STK3: variants seen among roughly 807,000 people sequenced by gnomAD.
STK3 encodes serine/threonine-protein kinase 3.
A neutral mutation model predicts 58.0 loss-of-function variants in STK3; 41 were observed. That is an observed-to-expected ratio of 0.71 (90% confidence interval 0.55 to 0.92). STK3 has a LOEUF of 0.92. Ranked by LOEUF, STK3 falls within the 40% of genes least tolerant of loss-of-function variation. STK3 has a pLI of 0.00. For synonymous variants in STK3, 170 were observed against 191.0 expected, an observed-to-expected ratio of 0.89 and a Z score of 0.91; for missense variants, 479 against 602.7, an observed-to-expected ratio of 0.79 and a Z score of 2.15.
chr8:98,769,261 G>A (rs1324499797), intron 2 of STK3, among the ~76,000 whole-genome samples: 3 of 152,186 alleles, frequency 2.0e-5, no homozygotes, highest in African/African-American at 7.2e-5. Flanking sequence ...TGTCCCACCC[G>A]AATCTCATCT....
At chr8:98,469,656 A>G (rs1168810504) in intron 10 of STK3, among the ~76,000 whole-genome samples, 1 of 152,256 alleles carries the variant, frequency 6.6e-6, no homozygotes, top group African/African-American at 2.4e-5. Context: ...TGGTTTGAAT[A>G]ATATACATTA....
At chr8:98,544,278 C>T (rs1405828201) in intron 9 of STK3, among the ~76,000 whole-genome samples, 2 of 152,090 alleles carry the variant, frequency 1.3e-5, no homozygotes, top group Non-Finnish European at 2.9e-5. Flanking sequence ...ATCACTGATA[C>T]GTTCCTCATT....
intron 3 of STK3, among the ~76,000 whole-genome samples, chr8:98,830,993 G>T (rs1267973991): frequency 6.9e-6 from 1 of 145,536 alleles, no homozygotes; most frequent in African/African-American, 2.5e-5. Flanking sequence ...AAAAAAAAAG[G>T]AAAGTAAGGT....
chr8:98,774,167 T>G (rs904724866), intron 2 of STK3, among the ~76,000 whole-genome samples: 2 of 152,190 alleles, frequency 1.3e-5, no homozygotes, highest in African/African-American at 4.8e-5. Context: ...AAGCTTCTTT[T>G]AATTCTGTTT....
At chr8:98,460,169 A>T (rs963702068) in intron 10 of STK3, among the ~76,000 whole-genome samples, 4 of 152,222 alleles carry the variant, frequency 2.6e-5, no homozygotes, top group African/African-American at 9.6e-5. Flanking sequence ...AGACCATGGG[A>T]GCCCACCTCT....
At chr8:98,571,562 G>A (rs192198216) in intron 8 of STK3, among the ~76,000 whole-genome samples, 5 of 152,226 alleles carry the variant, frequency 3.3e-5, no homozygotes, top group Admixed American at 6.5e-5. Flanking sequence ...AGACATTAAG[G>A]ACCGCAACCT....
intron 6 of STK3, among the ~76,000 whole-genome samples, chr8:98,639,937 C>A (rs749908119): frequency 4.6e-5 from 7 of 152,038 alleles, no homozygotes; most frequent in Non-Finnish European, 8.8e-5. Context: ...ATGGTGAAAC[C>A]CCATCTTTAC....
intron 3 of STK3, among the ~76,000 whole-genome samples, chr8:98,753,992 C>CT (rs1243715965): frequency 6.6e-6 from 1 of 152,204 alleles, no homozygotes; most frequent in African/African-American, 2.4e-5. Context: ...CAAAAATACT[C>CT]TAACAGCTCT....
At chr8:98,928,907 C>G (rs1050796724) in intron 1 of STK3, among the ~76,000 whole-genome samples, 2 of 152,174 alleles carry the variant, frequency 1.3e-5, no homozygotes, top group Admixed American at 1.3e-4. Flanking sequence ...GGGAGAAGCT[C>G]CAATCAATAT....
chr8:98,812,688 A>G (rs1476081808), intron 1 of STK3, among the ~76,000 whole-genome samples: 1 of 152,248 alleles, frequency 6.6e-6, no homozygotes, highest in Non-Finnish European at 1.5e-5. Flanking sequence ...CATATACACC[A>G]TGGAATACTA....
intron 10 of STK3, among the ~76,000 whole-genome samples, chr8:98,496,990 G>A (rs151239058): frequency 6.6e-6 from 1 of 152,046 alleles, no homozygotes; most frequent in East Asian, 1.9e-4. Flanking sequence ...AATTTTTAAA[G>A]CCAAAACAGT....
At chr8:98,666,356 G>C (rs547404773) in intron 6 of STK3, among the ~76,000 whole-genome samples, 2 of 152,184 alleles carry the variant, frequency 1.3e-5, no homozygotes, top group African/African-American at 4.8e-5. Flanking sequence ...TCTACTGTAA[G>C]AAAAAGTAAC....
chr8:98,896,305 G>A lies in STK3; in HGVS notation c.-78-12471C>T, dbSNP rs559410960. On this transcript the variant is annotated intron_variant, in intron 1 of 1. Transcript: ENST00000519420. ...CATTGCTTAAAGCAGTGATTTTCAA[G>A]CTTGCTTTATGAAAGCAAAAAACTG... is the stretch of plus-strand genomic sequence containing the variant. Among the ~76,000 whole-genome samples, 5 of 152,294 alleles carry A rather than the reference G, an allele frequency of 3.3e-5. No individual in the cohort carries two copies. In the East Asian group the frequency reaches 9.6e-4, roughly 29 times the overall value.
chr8:98,581,131 C>G (rs954689650), intron 7 of STK3, among the ~76,000 whole-genome samples: 7 of 152,274 alleles, frequency 4.6e-5, no homozygotes, highest in African/African-American at 1.4e-4. Context: ...TGGTTATATG[C>G]GACTAAGTGA....
chr8:98,895,317 T>C (rs966927550), intron 1 of STK3, among the ~76,000 whole-genome samples: 2 of 152,172 alleles, frequency 1.3e-5, no homozygotes, highest in African/African-American at 4.8e-5. Flanking sequence ...AGGCTGCTGG[T>C]CCTCAAACCA....
rs1226997877 is a variant in STK3, at chr8:98,595,937, G to A, written c.822+95C>T. The A allele has an allele frequency of 1.4e-5, 19 of 1,394,154 alleles. No individual in the cohort carries two copies. The Admixed American group carries it at 3.3e-4, about 25-fold the overall frequency. The allele number at this position is 1,394,154 out of a possible 1,614,324, so 86.4% of individuals were successfully genotyped here. On this transcript the variant is annotated intron_variant, in intron 7 of 10. Transcript: ENST00000419617. ...AGGGGAGGGGAGGTTTACATCTTTAGAAATCAGTTATGAAACACACAGCAA... is the reference window on the plus strand; with the variant it reads ...AGGGGAGGGGAGGTTTACATCTTTAAAAATCAGTTATGAAACACACAGCAA...
upstream of STK3, among the ~76,000 whole-genome samples, chr8:98,826,962 G>A: frequency 1.5e-5 from 2 of 132,154 alleles, no homozygotes; most frequent in African/African-American, 3.0e-5. Context: ...GGCAGAGGTT[G>A]CTTTTAACCT....
At chr8:98,416,595 T>TCCAGGAGAGGA (rs1818117151) in intron 3 of STK3, among the ~76,000 whole-genome samples, 1 of 152,172 alleles carries the variant, frequency 6.6e-6, no homozygotes, top group Non-Finnish European at 1.5e-5. Flanking sequence ...CTTCCAGCAT[T>TCCAGGAGAGGA]GTGTTCCCCA....
At chr8:98,854,869 A>T (rs1480522135) in intron 3 of STK3, among the ~76,000 whole-genome samples, 1 of 152,002 alleles carries the variant, frequency 6.6e-6, no homozygotes, top group African/African-American at 2.4e-5. Context: ...CTAGCCTGGC[A>T]AATATGGCGA....
Sources: gnomAD v4.1 joint callset for allele counts (sites outside exome capture counted in the v4.1 genomes callset) on GRCh38, gnomAD v4.1.1 for gene constraint, MANE v1.5 for transcripts, NCBI Gene and HGNC (gene_info 2026-07-23, HGNC 2026-07-21) for gene names.